Variants in SKAP2 observed in about 807,000 individuals in gnomAD.
The protein encoded by SKAP2 is src kinase associated phosphoprotein 2.
SKAP2 carries 28 observed loss-of-function variants against 54.9 expected under a neutral mutation model. That is an observed-to-expected ratio of 0.51 (90% confidence interval 0.38 to 0.70). The LOEUF (loss-of-function observed/expected upper bound fraction) is 0.70, where lower values mean the gene tolerates loss of function less well. SKAP2 is among the 30% of genes least tolerant of loss of function. SKAP2 has a pLI of 0.00. For synonymous variants in SKAP2, 137 were observed against 134.3 expected, an observed-to-expected ratio of 1.02 and a Z score of -0.14; for missense variants, 356 against 424.1, an observed-to-expected ratio of 0.84 and a Z score of 1.41.
chr7:26,695,969 T>A (rs1353785601), intron 9 of SKAP2, among the ~76,000 whole-genome samples: 4 of 152,054 alleles, frequency 2.6e-5, no homozygotes, highest in Non-Finnish European at 5.9e-5. Context: ...TACATACAAA[T>A]GGAACCCCAC....
Position 26,738,801 on chromosome 7 carries a change from C to T in SKAP2, c.463G>A (p.Asp155Asn), listed in dbSNP as rs746602552. 7.6e-6 allele frequency: 12 copies of T among 1,578,288 alleles called. No homozygotes were observed. Among genetic ancestry groups the T allele is most frequent in the Non-Finnish European group, 1.0e-5 (12 of 1,148,472 alleles). The change falls in exon 6 of 13, where the codon GAT (aspartate) becomes AAT (asparagine). Residue 155 changes from aspartate (D) to asparagine (N), a missense_variant. Coordinates refer to ENST00000345317, the MANE Select transcript of SKAP2 (RefSeq NM_003930.5). ...SKTVFYYYGS[D>N]KDKQQKGEFA... ...AATTGAACACCAACATTACCTTTATCACTTCCATAATAATAGAATACCGTT... is the reference window on the plus strand; with the variant it reads ...AATTGAACACCAACATTACCTTTATTACTTCCATAATAATAGAATACCGTT...
intron 4 of SKAP2, among the ~76,000 whole-genome samples, chr7:26,771,736 A>G (rs1783194504): frequency 1.3e-5 from 2 of 152,234 alleles, no homozygotes; most frequent in African/African-American, 2.4e-5. Flanking sequence ...TTTGAAAACA[A>G]TAACTATTGT....
At chr7:26,753,110 C>T (rs753134488) in intron 4 of SKAP2, among the ~76,000 whole-genome samples, 3 of 152,056 alleles carry the variant, frequency 2.0e-5, no homozygotes, top group South Asian at 2.1e-4. Flanking sequence ...AAAAGCATAC[C>T]ACATGCTTAA....
chr7:26,675,087 A>G (rs1001896735), intron 11 of SKAP2, among the ~76,000 whole-genome samples: 2 of 152,164 alleles, frequency 1.3e-5, no homozygotes, highest in Non-Finnish European at 2.9e-5. Flanking sequence ...TCAGGCCTTC[A>G]TCACCTTGCC....
chr7:26,769,369 G>C (rs952601825), intron 4 of SKAP2, among the ~76,000 whole-genome samples: 6 of 152,130 alleles, frequency 3.9e-5, no homozygotes, highest in Non-Finnish European at 5.9e-5. Flanking sequence ...CTTTTATCAA[G>C]GTTCTCAGCT....
intron 6 of SKAP2, among the ~76,000 whole-genome samples, chr7:26,736,502 C>T (rs748021129): frequency 3.9e-5 from 6 of 152,244 alleles, no homozygotes; most frequent in Non-Finnish European, 7.3e-5. Flanking sequence ...GAATAATCCA[C>T]TGCCTGTTTA....
intron 4 of SKAP2, among the ~76,000 whole-genome samples, chr7:26,843,805 C>T (rs1345530244): frequency 6.6e-6 from 1 of 151,908 alleles, no homozygotes; most frequent in African/African-American, 2.4e-5. Flanking sequence ...CAGGCACTCT[C>T]TCAAAAATTT....
chr7:26,799,111 AAGACAAGGCAAGG>A (rs1216156673), intron 4 of SKAP2, among the ~76,000 whole-genome samples: 2 of 140,840 alleles, frequency 1.4e-5, no homozygotes, highest in African/African-American at 5.1e-5. Context: ...AAGGCAAGGC[AAGACAAGGCAAGG>A]CAAGGCAAGG....
chr7:26,727,853 T>C (rs868810380), intron 6 of SKAP2, among the ~76,000 whole-genome samples: 17 of 152,158 alleles, frequency 1.1e-4, no homozygotes, highest in Admixed American at 2.6e-4. Context: ...TATACAGCTA[T>C]AGGTTTATTT....
chr7:26,855,258 T>C (rs1785136886), intron 1 of SKAP2: 1 of 157,354 alleles, frequency 6.4e-6, no homozygotes. Context: ...GTTAATATCA[T>C]TTTCTAGTAT....
intron 11 of SKAP2, among the ~76,000 whole-genome samples, chr7:26,681,983 C>T (rs542072839): frequency 5.5e-4 from 84 of 152,200 alleles, no homozygotes; most frequent in African/African-American, 2.0e-3. Context: ...ACCTGCACCA[C>T]TCATTCTGAG....
intron 3 of SKAP2, among the ~76,000 whole-genome samples, chr7:26,844,461 G>T (rs552556797): frequency 2.0e-5 from 3 of 151,968 alleles, no homozygotes; most frequent in Admixed American, 6.6e-5. Context: ...AAAACAGAGT[G>T]TATATCCAAA....
At chr7:26,815,235 A>C (rs1784242132) in intron 4 of SKAP2, among the ~76,000 whole-genome samples, 1 of 152,174 alleles carries the variant, frequency 6.6e-6, no homozygotes, top group Non-Finnish European at 1.5e-5. Context: ...TGCAAATTCA[A>C]ATAATTTAAA....
At chr7:26,820,135 A>C (rs1389986538) in intron 4 of SKAP2, among the ~76,000 whole-genome samples, 2 of 152,160 alleles carry the variant, frequency 1.3e-5, no homozygotes, top group Non-Finnish European at 2.9e-5. Flanking sequence ...GTGCACTATG[A>C]TTGTACCTGT....
At chr7:26,764,401 C>T (rs564732116) in intron 4 of SKAP2, among the ~76,000 whole-genome samples, 98 of 152,184 alleles carry the variant, frequency 6.4e-4, no homozygotes, top group Non-Finnish European at 1.2e-3. Flanking sequence ...CGTTCCTAGA[C>T]GATTCAATCT....
At chr7:26,753,919 C>T (rs759947237) in intron 4 of SKAP2, among the ~76,000 whole-genome samples, 12 of 152,136 alleles carry the variant, frequency 7.9e-5, no homozygotes, top group Non-Finnish European at 1.5e-4. Context: ...TTATATCCCA[C>T]CTTAATATCT....
the SKAP2 span, among the ~76,000 whole-genome samples, chr7:26,655,206 A>G: frequency 6.6e-6 from 1 of 152,230 alleles, no homozygotes; most frequent in African/African-American, 2.4e-5. Flanking sequence ...GCTCATGGCC[A>G]GAGACAACTT....
the SKAP2 span, among the ~76,000 whole-genome samples, chr7:26,655,059 C>G: frequency 6.6e-6 from 1 of 152,096 alleles, no homozygotes; most frequent in East Asian, 1.9e-4. Context: ...AAATCCTGTG[C>G]CTACTATTGC....
chr7:26,790,546 T>G (rs936392083), intron 4 of SKAP2, among the ~76,000 whole-genome samples: 1 of 152,238 alleles, frequency 6.6e-6, no homozygotes, highest in African/African-American at 2.4e-5. Context: ...ATTCAATTAC[T>G]GTTGGGATTT....
Sources: gnomAD v4.1 joint callset for allele counts (sites outside exome capture counted in the v4.1 genomes callset) on GRCh38, gnomAD v4.1.1 for gene constraint, MANE v1.5 for transcripts, NCBI Gene and HGNC (gene_info 2026-07-23, HGNC 2026-07-21) for gene names.